ZBTB20: variants seen among roughly 807,000 people sequenced by gnomAD.
ZBTB20 encodes zinc finger and BTB domain containing 20, also known as zinc finger and BTB domain-containing protein 20.
A neutral mutation model predicts 56.9 loss-of-function variants in ZBTB20; 9 were observed. The observed-to-expected ratio is 0.16, with a 90% confidence interval of 0.10 to 0.28. The LOEUF (loss-of-function observed/expected upper bound fraction) is 0.28, where lower values mean the gene tolerates loss of function less well. Ranked by LOEUF, ZBTB20 falls within the 10% of genes least tolerant of loss-of-function variation. The probability of loss-of-function intolerance (pLI) is 1.00; values close to 1 mark genes in which losing one functional copy is unlikely to be tolerated. For synonymous variants in ZBTB20, 417 were observed against 420.7 expected, an observed-to-expected ratio of 0.99 and a Z score of 0.11; for missense variants, 655 against 1,003.0, an observed-to-expected ratio of 0.65 and a Z score of 4.69.
At chr3:114,623,252 C>T (rs1313396979) in intron 6 of ZBTB20, among the ~76,000 whole-genome samples, 1 of 152,166 alleles carries the variant, frequency 6.6e-6, no homozygotes, top group Non-Finnish European at 1.5e-5. Context: ...CACATTTTGG[C>T]TATGAAAGCT....
chr3:114,559,987 C>T (rs1012244828), intron 6 of ZBTB20, among the ~76,000 whole-genome samples: 1 of 152,008 alleles, frequency 6.6e-6, no homozygotes, highest in African/African-American at 2.4e-5. Flanking sequence ...TCTTAGGCAC[C>T]AGACAGACAA....
intron 6 of ZBTB20, among the ~76,000 whole-genome samples, chr3:114,525,743 C>T (rs80010458): frequency 0.013 from 1,921 of 152,232 alleles, 26 homozygotes; most frequent in Middle Eastern, 0.021. Context: ...GGGCAGATAA[C>T]GGGTATTCAA....
chr3:114,667,964 ACT>A (rs998118953), intron 6 of ZBTB20, among the ~76,000 whole-genome samples: 3 of 151,732 alleles, frequency 2.0e-5, no homozygotes, highest in African/African-American at 7.3e-5. Flanking sequence ...ATGCTATAAG[ACT>A]CTGTCAACAT....
intron 2 of ZBTB20, among the ~76,000 whole-genome samples, chr3:115,016,574 T>A (rs1203355843): frequency 1.3e-5 from 2 of 151,856 alleles, no homozygotes; most frequent in Non-Finnish European, 2.9e-5. Context: ...GGGAATCCTT[T>A]CCCCATTGCT....
intron 1 of ZBTB20, among the ~76,000 whole-genome samples, chr3:115,108,018 G>A (rs541823727): frequency 6.6e-6 from 1 of 152,142 alleles, no homozygotes; most frequent in East Asian, 1.9e-4. Context: ...GAGAGCATCA[G>A]GACAAATAGC....
In ZBTB20 at chr3:114,949,599, C is replaced by A. The variant is rs111743982; in HGVS notation, c.-456+24767G>T. On this transcript the variant is annotated intron_variant, in intron 3 of 11. Transcript: ENST00000675478. ...CCTGGCTAACATGGTGAAACCCCAT[C>A]TCTACTAAAAATACAAAAATTAACT... 7.2e-3 allele frequency among the ~76,000 whole-genome samples: 1,051 copies of A among 145,478 alleles called. 204 individuals carry two copies. The highest frequency in any genetic ancestry group is 0.029 in the African/African-American group (1,017 of 35,348).
intron 5 of ZBTB20, among the ~76,000 whole-genome samples, chr3:114,749,568 AAAGGAAGGAAGG>A (rs71146333): frequency 0.026 from 3,540 of 135,942 alleles, 71 homozygotes; most frequent in South Asian, 0.1. Flanking sequence ...GAAAGAAAGA[AAAGGAAGGAAGG>A]AAGGAAGGAA....
chr3:114,739,409 T>A (rs1424714913), intron 5 of ZBTB20, among the ~76,000 whole-genome samples: 1 of 152,186 alleles, frequency 6.6e-6, no homozygotes, highest in Non-Finnish European at 1.5e-5. Flanking sequence ...CAGATTTCAG[T>A]GTCTCCCATT....
Position 114,351,353 on chromosome 3 carries a change from C to G in ZBTB20, c.725G>C (p.Arg242Thr). The G allele has an allele frequency of 1.9e-6, 3 of 1,610,082 alleles. No homozygotes were observed. Among genetic ancestry groups the G allele is most frequent in the Non-Finnish European group, 2.5e-6 (3 of 1,179,098 alleles). Reference protein sequence around the residue: ...LQSHPQHSVDRIYSALYACSM... With the variant: ...LQSHPQHSVDTIYSALYACSM... Reference sequence around the variant, plus strand: ...GCACGCGTAGAGTGCCGAGTAGATCCTGTCCACGCTGTGCTGTGGGTGGCT... The same window carrying G: ...GCACGCGTAGAGTGCCGAGTAGATCGTGTCCACGCTGTGCTGTGGGTGGCT... The change falls in exon 11 of 12, where the codon AGG becomes ACG. Residue 242 changes from arginine (R) to threonine (T), a missense_variant. Physicochemically the swap from Arg to Thr is moderately conservative, Grantham distance 71. Coordinates refer to ENST00000675478, the MANE Select transcript of ZBTB20 (RefSeq NM_001348800.3).
intron 1 of ZBTB20, among the ~76,000 whole-genome samples, chr3:115,145,421 A>C (rs551040176): frequency 1.3e-5 from 2 of 152,316 alleles, no homozygotes; most frequent in South Asian, 4.1e-4. Context: ...TCCCTTACAT[A>C]AAATAGTGTA....
Position 115,146,274 on chromosome 3 carries a change from G to A in ZBTB20, c.-703+945C>T, listed in dbSNP as rs542741242. Reference sequence around the variant, plus strand: ...TTTCGCTAATGTTTAGTTTGTGTGTGTGCCTAGCATATGTTTGTGCAAGTG... The same window carrying A: ...TTTCGCTAATGTTTAGTTTGTGTGTATGCCTAGCATATGTTTGTGCAAGTG... On this transcript the variant is annotated intron_variant, in intron 1 of 11. Transcript: ENST00000675478. Among the ~76,000 whole-genome samples, 6 of 151,796 alleles carry A rather than the reference G, an allele frequency of 4.0e-5. No individual in the cohort carries two copies. In the South Asian group the frequency reaches 1.2e-3, roughly 32 times the overall value.
At chr3:114,428,300 A>C (rs891873974) in intron 7 of ZBTB20, among the ~76,000 whole-genome samples, 2 of 152,198 alleles carry the variant, frequency 1.3e-5, no homozygotes, top group Non-Finnish European at 2.9e-5. Flanking sequence ...GCAGGTATTA[A>C]AAGAAAAAAA....
At chr3:114,365,463 C>T (rs1299121810) in intron 10 of ZBTB20, among the ~76,000 whole-genome samples, 1 of 152,188 alleles carries the variant, frequency 6.6e-6, no homozygotes, top group Admixed American at 6.5e-5. Flanking sequence ...TGCTGCTGAT[C>T]AAATCATGCC....
rs1310873932 is a variant in ZBTB20 at position 114,329,516 on chromosome 3, G to A, written c.*9489C>T. On this transcript the variant is annotated 3_prime_UTR_variant, in exon 12 of 12. Transcript: ENST00000675478. ...CCTGATTTCTGAAGTTTTCTTGATG[G>A]CCCAACTAAAGAAGAAAGGCACCAA... The A allele has an allele frequency of 6.6e-6, 1 of 151,882 alleles. No individual in the cohort carries two copies. The highest frequency in any genetic ancestry group is 1.5e-5 in the Non-Finnish European group (1 of 67,970). 9.4% of individuals were successfully genotyped at this position (151,882 alleles called of 1,614,324 possible).
chr3:114,813,050 C>A (rs1239623446), intron 4 of ZBTB20, among the ~76,000 whole-genome samples: 2 of 152,220 alleles, frequency 1.3e-5, no homozygotes, highest in East Asian at 3.9e-4. Context: ...CACACCTCCT[C>A]GCAAGCTGAG....
chr3:114,723,812 A>T (rs979768313), intron 5 of ZBTB20, among the ~76,000 whole-genome samples: 1 of 152,216 alleles, frequency 6.6e-6, no homozygotes, highest in African/African-American at 2.4e-5. Context: ...TAAAATAATA[A>T]AAAGCTTATT....
chr3:114,989,008 G>A (rs1031666429), intron 2 of ZBTB20, among the ~76,000 whole-genome samples: 4 of 151,956 alleles, frequency 2.6e-5, no homozygotes, highest in African/African-American at 9.7e-5. Context: ...TTAGCCCTTT[G>A]TCAGAAGAGT....
chr3:114,609,994 G>A (rs996278479), intron 6 of ZBTB20, among the ~76,000 whole-genome samples: 2 of 152,192 alleles, frequency 1.3e-5, no homozygotes, highest in African/African-American at 2.4e-5. Context: ...AAGTGAGAAC[G>A]AGAACTAACA....
chr3:114,866,063 A>T (rs1171557481), intron 4 of ZBTB20, among the ~76,000 whole-genome samples: 1 of 152,218 alleles, frequency 6.6e-6, no homozygotes. Flanking sequence ...TTAAGTTCAA[A>T]TCCCAATTTC....
Sources: gnomAD v4.1 joint callset for allele counts (sites outside exome capture counted in the v4.1 genomes callset) on GRCh38, gnomAD v4.1.1 for gene constraint, MANE v1.5 for transcripts, NCBI Gene and HGNC (gene_info 2026-07-23, HGNC 2026-07-21) for gene names.